The following SLC35F1 variants were observed in gnomAD, a reference collection of about 807,000 sequenced individuals.
SLC35F1 encodes chromosome 6 open reading frame 169.
Under a neutral mutation model 48.7 loss-of-function variants are expected in SLC35F1, and 14 were observed. The ratio of observed to expected loss-of-function variants is 0.29; its 90% CI spans 0.19 to 0.45. The LOEUF is 0.45. Among genes scored for constraint, SLC35F1 ranks in the 20% least tolerant of loss-of-function variants. The pLI is 1.00. For missense variants in SLC35F1, 404 were observed against 500.0 expected, an observed-to-expected ratio of 0.81 and a Z score of 1.83; for synonymous variants, 190 against 202.2, an observed-to-expected ratio of 0.94 and a Z score of 0.51.
At chr6:118,116,866 T>TG (rs1303590327) in intron 1 of SLC35F1, among the ~76,000 whole-genome samples, 3 of 152,154 alleles carry the variant, frequency 2.0e-5, no homozygotes, top group African/African-American at 7.2e-5. Flanking sequence ...CAGTATTGAG[T>TG]GACGCCTTGG....
intron 1 of SLC35F1, among the ~76,000 whole-genome samples, chr6:118,119,320 T>G (rs1180857916): frequency 1.3e-5 from 2 of 152,172 alleles, no homozygotes; most frequent in African/African-American, 4.8e-5. Context: ...GTCTAGAACA[T>G]GATAATTTTG....
At chr6:117,992,141 T>C (rs1300034426) in intron 1 of SLC35F1, among the ~76,000 whole-genome samples, 1 of 152,152 alleles carries the variant, frequency 6.6e-6, no homozygotes. Flanking sequence ...ATTTTTTTTC[T>C]AGGTTTACAA....
chr6:118,092,238 G>T (rs1399291225), intron 1 of SLC35F1, among the ~76,000 whole-genome samples: 1 of 152,274 alleles, frequency 6.6e-6, no homozygotes, highest in Non-Finnish European at 1.5e-5. Flanking sequence ...AAGGAAAAAT[G>T]GTTTCCTCCA....
Position 118,230,820 on chromosome 6 carries a change from A to G in SLC35F1, c.350-4689A>G, listed in dbSNP as rs528561820. Among the ~76,000 whole-genome samples, 5 of 152,148 alleles carry G rather than the reference A, an allele frequency of 3.3e-5. No individual in the cohort carries two copies. The South Asian group carries it at 6.3e-4, about 19-fold the overall frequency. ...CAACATGGCAAAACCCCATCTCTAC[A>G]AAGAAATGCAAAAATTAGCTGGGCT... On this transcript the variant is annotated intron_variant, in intron 2 of 7. Transcript: ENST00000360388.
chr6:118,099,328 C>A (rs1174731659), intron 1 of SLC35F1, among the ~76,000 whole-genome samples: 1 of 152,190 alleles, frequency 6.6e-6, no homozygotes, highest in Admixed American at 6.5e-5. Context: ...TAAGTCGATG[C>A]TGCTAGTTGG....
intron 2 of SLC35F1, among the ~76,000 whole-genome samples, chr6:118,204,239 T>C (rs9489318): frequency 0.097 from 14,717 of 151,696 alleles, 1,556 homozygotes; most frequent in African/African-American, 0.27. Context: ...CCGAGTGGGA[T>C]TGAGGAACAC....
Position 117,914,741 on chromosome 6 carries a change from C to G in SLC35F1, c.173+6842C>G, listed in dbSNP as rs146737845. ...TAGTTTCAAAAATGATGTTTTCAAG[C>G]TGATCTGACAAAAAATCCCCATAAA... On this transcript the variant is annotated intron_variant, in intron 1 of 7. Transcript: ENST00000360388. 1.7e-3 allele frequency among the ~76,000 whole-genome samples: 262 copies of G among 152,240 alleles called. 2 individuals are homozygous for G. Among genetic ancestry groups the G allele is most frequent in the African/African-American group, 5.7e-3 (237 of 41,528 alleles).
chr6:117,942,239 G>A (rs1776242334), intron 1 of SLC35F1, among the ~76,000 whole-genome samples: 1 of 152,008 alleles, frequency 6.6e-6, no homozygotes, highest in African/African-American at 2.4e-5. Context: ...CTCTTGTTCT[G>A]GGATTCTGAC....
intron 2 of SLC35F1, among the ~76,000 whole-genome samples, chr6:118,161,259 C>G (rs757589086): frequency 6.6e-6 from 1 of 151,864 alleles, no homozygotes; most frequent in African/African-American, 2.4e-5. Context: ...TCTTTGCCCC[C>G]TACTTTCATT....
At chr6:117,969,272 A>T (rs1469205726) in intron 1 of SLC35F1, among the ~76,000 whole-genome samples, 2 of 152,226 alleles carry the variant, frequency 1.3e-5, no homozygotes, top group Non-Finnish European at 2.9e-5. Context: ...AAACAAGAAT[A>T]TATTTTTTAT....
chr6:117,935,283 T>C (rs1421161438), intron 1 of SLC35F1, among the ~76,000 whole-genome samples: 1 of 152,204 alleles, frequency 6.6e-6, no homozygotes, highest in African/African-American at 2.4e-5. Flanking sequence ...TACAGTTGAT[T>C]TTTATTATTC....
At chr6:117,961,455 T>C (rs928034459) in intron 1 of SLC35F1, among the ~76,000 whole-genome samples, 14 of 152,190 alleles carry the variant, frequency 9.2e-5, no homozygotes, top group African/African-American at 3.4e-4. Flanking sequence ...GACTGATTAA[T>C]AGAAGAGAGC....
chr6:118,126,919 G>C (rs372285879), intron 1 of SLC35F1, among the ~76,000 whole-genome samples: 1 of 152,054 alleles, frequency 6.6e-6, no homozygotes, highest in Non-Finnish European at 1.5e-5. Context: ...CAATCATGTC[G>C]TCTGCAAACA....
intron 4 of SLC35F1, 108 bp downstream of exon 4, chr6:118,267,262 TC>T: frequency 7.8e-7 from 1 of 1,287,418 alleles, no homozygotes; most frequent in Non-Finnish European, 1.1e-6. Flanking sequence ...AACCTGGATT[TC>T]CCACTATCTG....
intron 1 of SLC35F1, among the ~76,000 whole-genome samples, chr6:118,086,931 C>A (rs1234383135): frequency 6.6e-6 from 1 of 152,142 alleles, no homozygotes; most frequent in Admixed American, 6.5e-5. Flanking sequence ...TGCCTTTATT[C>A]TGACATCTCT....
intron 4 of SLC35F1, among the ~76,000 whole-genome samples, 182 bp from the exon 5 acceptor site, chr6:118,275,277 T>C (rs892276791): frequency 6.6e-6 from 1 of 152,180 alleles, no homozygotes; most frequent in African/African-American, 2.4e-5. Context: ...TAGGCAAACT[T>C]TTTATATCAG....
chr6:118,153,488 A>G (rs1285485265), intron 1 of SLC35F1, among the ~76,000 whole-genome samples: 2 of 152,302 alleles, frequency 1.3e-5, no homozygotes, highest in Admixed American at 1.3e-4. Flanking sequence ...TGCTTCTATT[A>G]TATTACTGTT....
chr6:118,309,202 T>TGCGC (rs1431749035), intron 7 of SLC35F1, among the ~76,000 whole-genome samples: 1 of 149,496 alleles, frequency 6.7e-6, no homozygotes, highest in African/African-American at 2.5e-5. Flanking sequence ...TGTGTGTGTG[T>TGCGC]GCGTGTGTGT....
intron 1 of SLC35F1, among the ~76,000 whole-genome samples, chr6:118,136,017 A>C (rs1773789441): frequency 6.6e-6 from 1 of 152,176 alleles, no homozygotes; most frequent in Non-Finnish European, 1.5e-5. Context: ...CCAAACTCTT[A>C]AGTTATTGCC....
Sources: gnomAD v4.1 joint callset for allele counts (sites outside exome capture counted in the v4.1 genomes callset) on GRCh38, gnomAD v4.1.1 for gene constraint, MANE v1.5 for transcripts, NCBI Gene and HGNC (gene_info 2026-07-23, HGNC 2026-07-21) for gene names.